TRIM62: variants seen among roughly 807,000 people sequenced by gnomAD.
TRIM62 encodes the protein tripartite motif containing 62.
Under a neutral mutation model 44.2 loss-of-function variants are expected in TRIM62, and 39 were observed. The ratio of observed to expected loss-of-function variants is 0.88; its 90% CI spans 0.68 to 1.15. The LOEUF is 1.15. TRIM62 is among the 50% of genes most tolerant of loss of function. The probability of loss-of-function intolerance (pLI) is 0.00; values close to 1 mark genes in which losing one functional copy is unlikely to be tolerated. For synonymous variants in TRIM62, 278 were observed against 292.3 expected, an observed-to-expected ratio of 0.95 and a Z score of 0.50; for missense variants, 544 against 665.5, an observed-to-expected ratio of 0.82 and a Z score of 2.01.
intron 1 of TRIM62, among the ~76,000 whole-genome samples, chr1:33,174,181 C>T (rs1645396033): frequency 6.6e-6 from 1 of 151,300 alleles, no homozygotes; most frequent in Admixed American, 6.6e-5. Context: ...TTCTGTTTTT[C>T]CTTTTTGGTT....
Position 33,152,425 on chromosome 1 carries a change from C to T in TRIM62, c.878-4698G>A, listed in dbSNP as rs181778477. On this transcript the variant is annotated intron_variant, in intron 4 of 4. Transcript: ENST00000291416. ...TACTAAAAATACAAAAAATTAGCGG[C>T]GCATGGTGGCACATGCCTGTAATCC... Among the ~76,000 whole-genome samples, 794 of 152,136 alleles carry T rather than the reference C, an allele frequency of 5.2e-3. 2 individuals are homozygous for T. The highest frequency in any genetic ancestry group is 6.0e-3 in the Non-Finnish European group (410 of 68,000).
At chr1:33,157,552 C>G (rs1434811527) in intron 4 of TRIM62, among the ~76,000 whole-genome samples, 1 of 149,598 alleles carries the variant, frequency 6.7e-6, no homozygotes, top group Non-Finnish European at 1.5e-5. Flanking sequence ...TGTCTACTTT[C>G]TATCTCACAC....
intron 4 of TRIM62, among the ~76,000 whole-genome samples, chr1:33,157,472 C>T (rs1348175581): frequency 2.6e-5 from 4 of 152,150 alleles, no homozygotes; most frequent in African/African-American, 4.8e-5. Flanking sequence ...CATCCTGTCT[C>T]ACCTTTCCCA....
rs937735388 is a variant in TRIM62 at position 33,177,245 on chromosome 1, G to T, written c.408+3780C>A. 6.6e-6 allele frequency among the ~76,000 whole-genome samples: 1 copy of T among 152,136 alleles called. No individual in the cohort carries two copies. Among genetic ancestry groups the T allele is most frequent in the Non-Finnish European group, 1.5e-5 (1 of 68,034 alleles). ...GGGACTTTAACTTTTACATTATACA[G>T]CTCTGCTTCTTATGTTAATTTTATA... On this transcript the variant is annotated intron_variant, in intron 1 of 4. Transcript: ENST00000291416. This position sits in a 1 kb window ranked among gnomAD's most constrained non-coding sequence, Gnocchi z 4.1.
At chr1:33,149,019 C>T (rs1645058162) in intron 4 of TRIM62, among the ~76,000 whole-genome samples, 2 of 152,348 alleles carry the variant, frequency 1.3e-5, no homozygotes, top group East Asian at 1.9e-4. Context: ...ACACGGTTCC[C>T]TCCACCTCCT....
At chr1:33,166,747 C>T (rs1217973193) in intron 1 of TRIM62, among the ~76,000 whole-genome samples, 3 of 152,086 alleles carry the variant, frequency 2.0e-5, no homozygotes, top group African/African-American at 7.2e-5. Flanking sequence ...ACAACAAATC[C>T]ACAACACACA....
rs1027938149 is a variant in TRIM62, at chr1:33,161,401, G to A, written c.505-1457C>T. Among the ~76,000 whole-genome samples, 1 of 152,096 alleles carries A rather than the reference G, an allele frequency of 6.6e-6. No individual in the cohort carries two copies. The highest frequency in any genetic ancestry group is 2.4e-5 in the African/African-American group (1 of 41,402). ...CTGCCTCTGCAATTTTACTTTGTGG[G>A]ATTCTGGCTGGGAGTTCATGGAGTC... On this transcript the variant is annotated intron_variant, in intron 2 of 4. Transcript: ENST00000291416. The surrounding 1 kb of genome is among the most constrained non-coding windows in gnomAD (Gnocchi z 4.3).
At chr1:33,163,486 GA>G (rs2124736384) in intron 2 of TRIM62, 1 of 152,368 alleles carries the variant, frequency 6.6e-6, no homozygotes, top group South Asian at 2.1e-4. Flanking sequence ...TCAGCACAGA[GA>G]AAAGTTCTGC....
chr1:33,174,298 C>T (rs2124747829), intron 1 of TRIM62, among the ~76,000 whole-genome samples: 1 of 152,286 alleles, frequency 6.6e-6, no homozygotes, highest in Non-Finnish European at 1.5e-5. Context: ...CCTCCCACCT[C>T]AGCCTCCCAA....
At chr1:33,169,738 T>C (rs1408997585) in intron 1 of TRIM62, among the ~76,000 whole-genome samples, 1 of 152,214 alleles carries the variant, frequency 6.6e-6, no homozygotes, top group East Asian at 1.9e-4. Flanking sequence ...AATGGAAAAT[T>C]CAGCTCCTCG....
In TRIM62 at chr1:33,159,522, T is replaced by C. The variant is rs976185010; in HGVS notation, c.761+166A>G. Among the ~76,000 whole-genome samples, 1 of 152,156 alleles carries C rather than the reference T, an allele frequency of 6.6e-6. No individual in the cohort carries two copies. Among genetic ancestry groups the C allele is most frequent in the African/African-American group, 2.4e-5 (1 of 41,442 alleles). On this transcript the variant is annotated intron_variant, in intron 3 of 4. Coordinates refer to ENST00000291416, the MANE Select transcript of TRIM62 (RefSeq NM_018207.3). This position sits in a 1 kb window ranked among gnomAD's most constrained non-coding sequence, Gnocchi z 4.2. ...AGTTCAAGCCTCACTGGCTTCATACTCAAGGCTTCATGCTCCTACCCATAG... is the reference window on the plus strand; with the variant it reads ...AGTTCAAGCCTCACTGGCTTCATACCCAAGGCTTCATGCTCCTACCCATAG...
In TRIM62 at chr1:33,181,356, C is replaced by A; in HGVS notation, c.77G>T (p.Cys26Phe). ...GCAGCGGCGGCAGAAGTAATGCTCGCAGCCCAGGCTCACCGGGTCCTGGTA... is the reference window on the plus strand; with the variant it reads ...GCAGCGGCGGCAGAAGTAATGCTCGAAGCCCAGGCTCACCGGGTCCTGGTA... ...SIYQDPVSLGCEHYFCRRCIT... is the reference protein window; with the variant it reads ...SIYQDPVSLGFEHYFCRRCIT... Residue 26 changes from cysteine to phenylalanine, a missense_variant, in exon 1 of 5, where the codon TGC (cysteine) becomes TTC (phenylalanine). Physicochemically the swap from Cys to Phe is radical, Grantham distance 205. Coordinates refer to ENST00000291416, the MANE Select transcript of TRIM62 (RefSeq NM_018207.3). The surrounding 1 kb of genome is among the most constrained non-coding windows in gnomAD (Gnocchi z 6.5). 6.3e-7 allele frequency: 1 copy of A among 1,593,290 alleles called. No individual in the cohort carries two copies. Among genetic ancestry groups the A allele is most frequent in the Non-Finnish European group, 8.5e-7 (1 of 1,173,312 alleles).
At chr1:33,160,803 C>T (rs547314521) in intron 2 of TRIM62, among the ~76,000 whole-genome samples, 10 of 152,312 alleles carry the variant, frequency 6.6e-5, no homozygotes, top group African/African-American at 1.9e-4. Flanking sequence ...TAAATTGCAA[C>T]GTATTGAGAA....
intron 1 of TRIM62, among the ~76,000 whole-genome samples, chr1:33,171,216 A>G (rs1358252576): frequency 6.6e-6 from 1 of 152,204 alleles, no homozygotes; most frequent in Non-Finnish European, 1.5e-5. Context: ...GGAGCCTGAT[A>G]AACTCTCAAG....
At chr1:33,164,475 G>A (rs552539269) in intron 2 of TRIM62, 2 of 152,536 alleles carry the variant, frequency 1.3e-5, no homozygotes, top group South Asian at 4.1e-4. Context: ...AGTCCCCACT[G>A]GACAGATGGG....
Position 33,159,649 on chromosome 1 carries a change from G to A in TRIM62, c.761+39C>T. 1.3e-6 allele frequency: 2 copies of A among 1,580,988 alleles called. No homozygotes were observed. The highest frequency in any genetic ancestry group is 1.1e-5 in the South Asian group (1 of 89,326). ...ACTGCCCAGCATGGGTCGAGGAGGG[G>A]ATGGTCAGCCGGGGAGGGCCCCGGC... On this transcript the variant is annotated intron_variant, in intron 3 of 4. Coordinates refer to ENST00000291416, the MANE Select transcript of TRIM62 (RefSeq NM_018207.3). This position sits in a 1 kb window ranked among gnomAD's most constrained non-coding sequence, Gnocchi z 4.2.
chr1:33,151,124 G>A (rs1286205022), intron 4 of TRIM62, among the ~76,000 whole-genome samples: 1 of 151,954 alleles, frequency 6.6e-6, no homozygotes, highest in African/African-American at 2.4e-5. Context: ...GGGCACCCTA[G>A]GAGGGAGACA....
chr1:33,181,005 A>G lies in TRIM62; in HGVS notation c.408+20T>C, dbSNP rs751275772. On this transcript the variant is annotated intron_variant, in intron 1 of 4. Coordinates refer to ENST00000291416, the MANE Select transcript of TRIM62 (RefSeq NM_018207.3). This position sits in a 1 kb window ranked among gnomAD's most constrained non-coding sequence, Gnocchi z 6.5. ...TCCAGCCCGGCCCCGCCCCTTCCCC[A>G]GGCAGGCCGGGTAGCGCACCTGCAG... is the stretch of plus-strand genomic sequence containing the variant. 28 of 809,268 alleles carry G rather than the reference A, an allele frequency of 3.5e-5. No individual in the cohort carries two copies. Among genetic ancestry groups the G allele is most frequent in the Non-Finnish European group, 4.0e-5 (27 of 668,558 alleles). 50.1% of individuals were successfully genotyped at this position (809,268 alleles called of 1,614,324 possible). A position where few individuals can be genotyped will look rare whatever the true frequency, so the allele number is the denominator to read the frequency against.
chr1:33,154,526 G>C (rs1437605774), intron 4 of TRIM62, among the ~76,000 whole-genome samples: 2 of 151,990 alleles, frequency 1.3e-5, no homozygotes, highest in Non-Finnish European at 2.9e-5. Flanking sequence ...GAGGCTGGGC[G>C]CGGTGGCTCA....
Sources: gnomAD v4.1 joint callset for allele counts (sites outside exome capture counted in the v4.1 genomes callset) on GRCh38, gnomAD v4.1.1 for gene constraint, Gnocchi (gnomAD v3.1) non-coding constraint, MANE v1.5 for transcripts, NCBI Gene and HGNC (gene_info 2026-07-23, HGNC 2026-07-21) for gene names.